Variants in CHSY1 observed in about 807,000 individuals in gnomAD.
CHSY1 encodes N-acetylgalactosaminyl-proteoglycan 3-beta-glucuronosyltransferase 1.
A neutral mutation model predicts 59.8 loss-of-function variants in CHSY1; 13 were observed. The ratio of observed to expected loss-of-function variants is 0.22; its 90% CI spans 0.14 to 0.35. The LOEUF (loss-of-function observed/expected upper bound fraction) is 0.35, where lower values mean the gene tolerates loss of function less well. CHSY1 is among the 10% of genes least tolerant of loss of function. The pLI, the probability that CHSY1 is intolerant of heterozygous loss-of-function variation, is 1.00. For missense variants in CHSY1, 947 were observed against 1,030.6 expected (o/e 0.92, Z 1.11); for synonymous variants, 459 against 401.2 (o/e 1.14, Z -1.72).
At chr15:101,181,473 C>A (rs1012305034) in intron 2 of CHSY1, among the ~76,000 whole-genome samples, 2 of 152,228 alleles carry the variant, frequency 1.3e-5, no homozygotes, top group African/African-American at 4.8e-5. Context: ...TTTGGCCTTA[C>A]AAGCTGTCTT....
intron 2 of CHSY1, among the ~76,000 whole-genome samples, chr15:101,231,241 G>A (rs1054331403): frequency 6.6e-5 from 10 of 152,206 alleles, no homozygotes; most frequent in African/African-American, 2.2e-4. Context: ...ACTGGAAATA[G>A]CCCGAACGTC....
At chr15:101,217,461 A>C (rs2038746115) in intron 2 of CHSY1, among the ~76,000 whole-genome samples, 1 of 152,206 alleles carries the variant, frequency 6.6e-6, no homozygotes, top group Non-Finnish European at 1.5e-5. Flanking sequence ...CTAGCACCCA[A>C]GTCTTGCTTT....
chr15:101,213,134 G>T (rs892626487), intron 2 of CHSY1, among the ~76,000 whole-genome samples: 5 of 152,130 alleles, frequency 3.3e-5, no homozygotes, highest in Non-Finnish European at 7.4e-5. Flanking sequence ...GTGTAGTAAG[G>T]AAAACAGAGT....
At chr15:101,233,724 T>C (rs1422114028) in intron 2 of CHSY1, among the ~76,000 whole-genome samples, 1 of 152,222 alleles carries the variant, frequency 6.6e-6, no homozygotes, top group East Asian at 1.9e-4. Flanking sequence ...TTTGTGACTT[T>C]GTAATTAAAA....
chr15:101,239,513 G>A (rs546412718), intron 1 of CHSY1, among the ~76,000 whole-genome samples: 15 of 152,312 alleles, frequency 9.8e-5, no homozygotes, highest in South Asian at 6.2e-4. Flanking sequence ...ATCTGTAAAC[G>A]GGGGTTGTTG....
intron 1 of CHSY1, among the ~76,000 whole-genome samples, chr15:101,250,905 G>A (rs1242840786): frequency 6.6e-6 from 1 of 152,244 alleles, no homozygotes; most frequent in Admixed American, 6.5e-5. Flanking sequence ...CACCCAGCGA[G>A]GCCACACTAG....
At chr15:101,220,952 T>C (rs1222299551) in intron 2 of CHSY1, among the ~76,000 whole-genome samples, 1 of 152,208 alleles carries the variant, frequency 6.6e-6, no homozygotes, top group Non-Finnish European at 1.5e-5. Flanking sequence ...CATGCTTGTA[T>C]TGCTTCAGAC....
chr15:101,198,157 T>C (rs1467573917), intron 2 of CHSY1, among the ~76,000 whole-genome samples: 3 of 152,082 alleles, frequency 2.0e-5, no homozygotes, highest in Non-Finnish European at 4.4e-5. Context: ...TTTTGGCTTG[T>C]GCTTAAGACC....
chr15:101,240,916 T>A lies in CHSY1; in HGVS notation c.321-5339A>T, dbSNP rs118040497. Among the ~76,000 whole-genome samples, 833 of 152,314 alleles carry A rather than the reference T, an allele frequency of 5.5e-3. 10 individuals are homozygous for A. The highest frequency in any genetic ancestry group is 0.046 in the South Asian group (223 of 4,826). On this transcript the variant is annotated intron_variant, in intron 1 of 2. Transcript: ENST00000254190. Reference sequence around the variant, plus strand: ...AACTGCATCTATAGCATGACTCTTGTCCTAGGTAAATATTCATAATATACG... The same window carrying A: ...AACTGCATCTATAGCATGACTCTTGACCTAGGTAAATATTCATAATATACG...
At position 101,188,181 on chromosome 15, in the gene CHSY1, C is replaced by T. The variant is rs149337130; in HGVS notation, c.817-9201G>A. 35 of 985,448 alleles carry T rather than the reference C, an allele frequency of 3.6e-5. No homozygotes were observed. In the African/African-American group the frequency reaches 5.9e-4, roughly 17 times the overall value. The allele number at this position is 985,448 out of a possible 1,614,324, so 61.0% of individuals were successfully genotyped here. A position where few individuals can be genotyped will look rare whatever the true frequency, so the allele number is the denominator to read the frequency against. ...TCCCATTCGGACTTAGGCAGCGTTT[C>T]AGTTCATTACAGAGAAGTGGTTTTC... On this transcript the variant is annotated intron_variant, in intron 2 of 2. Coordinates refer to ENST00000254190, the MANE Select transcript of CHSY1 (RefSeq NM_014918.5).
At chr15:101,236,859 CCT>C (rs144955360) in intron 1 of CHSY1, among the ~76,000 whole-genome samples, 6,146 of 151,628 alleles carry the variant, frequency 0.041, 347 homozygotes, top group East Asian at 0.19. Flanking sequence ...TTTAAAAACC[CCT>C]CTGTTTCTTT....
At position 101,230,589 on chromosome 15, in the gene CHSY1, A is replaced by C. The variant is rs149665318; in HGVS notation, c.816+4493T>G. On this transcript the variant is annotated intron_variant, in intron 2 of 2. Coordinates refer to ENST00000254190, the MANE Select transcript of CHSY1 (RefSeq NM_014918.5). Reference sequence around the variant, plus strand: ...GAAACATTATTTCTTCTATTATTAAAGTGAAAAATACCCCAGGCTTCTGGT... The same window carrying C: ...GAAACATTATTTCTTCTATTATTAACGTGAAAAATACCCCAGGCTTCTGGT... Among the ~76,000 whole-genome samples the C allele has an allele frequency of 7.7e-4, 118 of 152,328 alleles. 2 individuals carry two copies. In the East Asian group the frequency reaches 0.022, roughly 28 times the overall value.
intron 2 of CHSY1, among the ~76,000 whole-genome samples, chr15:101,231,689 G>A (rs545139912): frequency 6.6e-6 from 1 of 152,266 alleles, no homozygotes; most frequent in South Asian, 2.1e-4. Flanking sequence ...TGACCCTTGC[G>A]ACCTATGCAC....
In CHSY1 at chr15:101,225,974, AC is replaced by A. The variant is rs200925884; in HGVS notation, c.816+9107del. 5.6e-3 allele frequency among the ~76,000 whole-genome samples: 860 copies of A among 152,276 alleles called. 7 individuals carry two copies. Among genetic ancestry groups the A allele is most frequent in the African/African-American group, 0.02 (824 of 41,540 alleles). ...TCTCACAATCACAGGACTCTGATAT[AC>A]CCAATGGTGGAACCATTTCAGAGAT... On this transcript the variant is annotated intron_variant, in intron 2 of 2. Coordinates refer to ENST00000254190, the MANE Select transcript of CHSY1 (RefSeq NM_014918.5).
At position 101,182,552 on chromosome 15, in the gene CHSY1, C is replaced by T. The variant is rs547747580; in HGVS notation, c.817-3572G>A. Among the ~76,000 whole-genome samples the T allele has an allele frequency of 7.5e-4, 114 of 152,306 alleles. 1 individual carries two copies. Among genetic ancestry groups the T allele is most frequent in the African/African-American group, 2.6e-3 (110 of 41,558 alleles). ...AAGTTTAGTTTTTCCAGAAATTACA[C>T]CCAAGCACAAGGTGGTGAGGTGCAA... On this transcript the variant is annotated intron_variant, in intron 2 of 2. Coordinates refer to ENST00000254190, the MANE Select transcript of CHSY1 (RefSeq NM_014918.5).
chr15:101,239,347 G>A (rs1408909984), intron 1 of CHSY1, among the ~76,000 whole-genome samples: 2 of 152,198 alleles, frequency 1.3e-5, no homozygotes, highest in South Asian at 2.1e-4. Flanking sequence ...TGTTATTTGG[G>A]AGATGGGGTG....
At chr15:101,216,236 G>A (rs902316542) in intron 2 of CHSY1, among the ~76,000 whole-genome samples, 4 of 152,294 alleles carry the variant, frequency 2.6e-5, no homozygotes, top group Non-Finnish European at 5.9e-5. Context: ...CCAAAACACT[G>A]ATAACACCCA....
At chr15:101,235,866 C>T (rs951060488) in intron 1 of CHSY1, among the ~76,000 whole-genome samples, 3 of 152,134 alleles carry the variant, frequency 2.0e-5, no homozygotes, top group African/African-American at 7.2e-5. Context: ...TCTGGGTATA[C>T]AGATTAATTT....
intron 2 of CHSY1, among the ~76,000 whole-genome samples, chr15:101,194,801 G>C (rs2038487337): frequency 6.6e-6 from 1 of 152,188 alleles, no homozygotes; most frequent in Non-Finnish European, 1.5e-5. Context: ...TTGGGAGAAG[G>C]GAGACAGGGA....
Sources: allele counts gnomAD v4.1 joint callset (sites outside exome capture counted in the v4.1 genomes callset), GRCh38; gene constraint gnomAD v4.1.1; transcripts MANE v1.5; gene names NCBI Gene and HGNC (gene_info 2026-07-23, HGNC 2026-07-21).